Variants in ST8SIA4 observed in about 807,000 individuals in gnomAD.
The protein encoded by ST8SIA4 is CMP-N-acetylneuraminate-poly-alpha-2,8-sialyltransferase.
Under a neutral mutation model 33.9 loss-of-function variants are expected in ST8SIA4, and 15 were observed. That is an observed-to-expected ratio of 0.44 (90% CI 0.30 to 0.68). The LOEUF (loss-of-function observed/expected upper bound fraction) is 0.68, where lower values mean the gene tolerates loss of function less well. Among genes scored for constraint, ST8SIA4 ranks in the 30% least tolerant of loss-of-function variants. The pLI is 0.10. For missense variants in ST8SIA4, 321 were observed against 428.0 expected, an observed-to-expected ratio of 0.75 and a Z score of 2.21; for synonymous variants, 171 against 151.2, an observed-to-expected ratio of 1.13 and a Z score of -0.96.
intron 1 of ST8SIA4, among the ~76,000 whole-genome samples, chr5:100,899,938 T>G (rs1752864154): frequency 6.6e-6 from 1 of 152,226 alleles, no homozygotes; most frequent in Non-Finnish European, 1.5e-5. Context: ...TGTTCAATAA[T>G]CATTACTTGA....
At chr5:100,900,384 C>T in intron 1 of ST8SIA4, 1 of 455,954 alleles carries the variant, frequency 2.2e-6, no homozygotes, top group Admixed American at 2.3e-5. Flanking sequence ...TCAAAACTGG[C>T]CTCTCCACGT....
intron 3 of ST8SIA4, among the ~76,000 whole-genome samples, chr5:100,878,185 A>AT (rs761022861): frequency 0.018 from 2,609 of 147,794 alleles, 28 homozygotes; most frequent in Middle Eastern, 0.031. Flanking sequence ...AGTGACAAAG[A>AT]TTTTTTTTTT....
intron 4 of ST8SIA4, among the ~76,000 whole-genome samples, chr5:100,833,398 C>T (rs948159841): frequency 2.6e-5 from 4 of 151,954 alleles, no homozygotes; most frequent in African/African-American, 4.8e-5. Context: ...AAAATGAATA[C>T]CTAGCATAAT....
At chr5:100,834,469 C>A (rs1316672495) in intron 4 of ST8SIA4, among the ~76,000 whole-genome samples, 1 of 152,048 alleles carries the variant, frequency 6.6e-6, no homozygotes, top group Non-Finnish European at 1.5e-5. Context: ...TTTATGTTGA[C>A]AGTTTTGAGT....
At chr5:100,865,266 C>T (rs1197461501) in intron 3 of ST8SIA4, among the ~76,000 whole-genome samples, 1 of 152,140 alleles carries the variant, frequency 6.6e-6, no homozygotes, top group African/African-American at 2.4e-5. Flanking sequence ...TAGTGGACAA[C>T]AGGGCCCCTT....
intron 4 of ST8SIA4, among the ~76,000 whole-genome samples, chr5:100,817,900 C>T (rs945444042): frequency 6.6e-6 from 1 of 151,924 alleles, no homozygotes. Context: ...TAAGAGTAAA[C>T]CTAGGGATAA....
At chr5:100,866,609 CACAA>C (rs1182223277) in intron 3 of ST8SIA4, among the ~76,000 whole-genome samples, 13 of 151,126 alleles carry the variant, frequency 8.6e-5, no homozygotes, top group African/African-American at 2.9e-4. Flanking sequence ...CACACACACA[CACAA>C]ATACATATTA....
At chr5:100,867,611 A>C (rs1214222979) in intron 3 of ST8SIA4, among the ~76,000 whole-genome samples, 2 of 152,010 alleles carry the variant, frequency 1.3e-5, no homozygotes, top group African/African-American at 4.8e-5. Flanking sequence ...TCTAACTCTT[A>C]GTGATTATAC....
At chr5:100,834,978 T>C (rs1751339958) in intron 4 of ST8SIA4, among the ~76,000 whole-genome samples, 1 of 152,158 alleles carries the variant, frequency 6.6e-6, no homozygotes, top group Non-Finnish European at 1.5e-5. Context: ...TCCGGCCTTC[T>C]TGGATTATTG....
chr5:100,844,853 T>C (rs1295175986), intron 4 of ST8SIA4, among the ~76,000 whole-genome samples: 2 of 152,016 alleles, frequency 1.3e-5, no homozygotes, highest in Admixed American at 1.3e-4. Flanking sequence ...TTTTAAATGA[T>C]TTGGGGGGTA....
chr5:100,871,616 A>G (rs950032455), intron 3 of ST8SIA4, among the ~76,000 whole-genome samples: 4 of 152,078 alleles, frequency 2.6e-5, no homozygotes, highest in Non-Finnish European at 5.9e-5. Flanking sequence ...TATTCATATC[A>G]GACAATAATA....
intron 2 of ST8SIA4, among the ~76,000 whole-genome samples, chr5:100,887,392 T>C (rs1752562119): frequency 1.3e-5 from 2 of 152,056 alleles, no homozygotes; most frequent in Non-Finnish European, 2.9e-5. Flanking sequence ...CTCAGTTGGG[T>C]CATGCAAGTT....
At chr5:100,883,558 G>A (rs563172051) in intron 3 of ST8SIA4, among the ~76,000 whole-genome samples, 9 of 152,230 alleles carry the variant, frequency 5.9e-5, no homozygotes, top group Admixed American at 5.9e-4. Context: ...GATATTTGGA[G>A]GGGCCAGGGT....
intron 4 of ST8SIA4, among the ~76,000 whole-genome samples, chr5:100,825,140 T>C (rs1224797213): frequency 6.6e-6 from 1 of 152,158 alleles, no homozygotes; most frequent in South Asian, 2.1e-4. Context: ...TACAGATTCC[T>C]AGAGTGGGAT....
intron 3 of ST8SIA4, among the ~76,000 whole-genome samples, chr5:100,873,584 C>T (rs907610401): frequency 7.9e-5 from 12 of 152,098 alleles, no homozygotes; most frequent in African/African-American, 2.9e-4. Context: ...CACCATATAA[C>T]ACCAAAGACA....
intron 4 of ST8SIA4, among the ~76,000 whole-genome samples, chr5:100,852,021 G>A (rs1160146472): frequency 6.6e-6 from 1 of 150,500 alleles, no homozygotes; most frequent in Non-Finnish European, 1.5e-5. Flanking sequence ...TAAATAAGAA[G>A]CTTTTATTTT....
At chr5:100,842,533 A>C (rs1751490691) in intron 4 of ST8SIA4, among the ~76,000 whole-genome samples, 1 of 151,846 alleles carries the variant, frequency 6.6e-6, no homozygotes, top group Admixed American at 6.6e-5. Context: ...CACTATCCCC[A>C]GTTTTTATTA....
At chr5:100,870,029 A>T (rs1752162538) in intron 3 of ST8SIA4, among the ~76,000 whole-genome samples, 1 of 152,050 alleles carries the variant, frequency 6.6e-6, no homozygotes, top group African/African-American at 2.4e-5. Context: ...CTGGTGTGTG[A>T]TGTTCCCCAC....
At chr5:100,892,029 T>G (rs1175748099) in intron 2 of ST8SIA4, among the ~76,000 whole-genome samples, 1 of 152,086 alleles carries the variant, frequency 6.6e-6, no homozygotes, top group Non-Finnish European at 1.5e-5. Flanking sequence ...TTCAGATTAT[T>G]GATATATCAT....
Sources: allele counts gnomAD v4.1 joint callset (sites outside exome capture counted in the v4.1 genomes callset), GRCh38; gene constraint gnomAD v4.1.1; transcripts MANE v1.5; gene names NCBI Gene and HGNC (gene_info 2026-07-23, HGNC 2026-07-21).